The following PDE4D variants were observed in gnomAD, a reference collection of about 807,000 sequenced individuals.
The protein encoded by PDE4D is 3',5'-cyclic-AMP phosphodiesterase 4D.
PDE4D carries 24 observed loss-of-function variants against 87.4 expected under a neutral mutation model. That is an observed-to-expected ratio of 0.27 (90% confidence interval 0.20 to 0.39). The LOEUF is 0.39. Among genes scored for constraint, PDE4D ranks in the 10% least tolerant of loss-of-function variants. The probability of loss-of-function intolerance (pLI) is 1.00; values close to 1 mark genes in which losing one functional copy is unlikely to be tolerated. For missense variants in PDE4D, 714 were observed against 1,041.0 expected, an observed-to-expected ratio of 0.69 and a Z score of 4.32; for synonymous variants, 384 against 383.2, an observed-to-expected ratio of 1.00 and a Z score of -0.02.
At chr5:59,618,085 T>TA (rs924476537) in intron 1 of PDE4D, among the ~76,000 whole-genome samples, 6 of 152,014 alleles carry the variant, frequency 3.9e-5, no homozygotes, top group East Asian at 3.9e-4. Context: ...ATGTGTCATG[T>TA]AAAAAAAAGA....
chr5:59,988,375 C>A, intron 3 of PDE4D: 1 of 576,582 alleles, frequency 1.7e-6, no homozygotes, highest in Non-Finnish European at 3.0e-6. Flanking sequence ...ACTCTAGAAA[C>A]CCCATTGTTC....
At chr5:59,149,010 C>T (rs1293157290) in intron 5 of PDE4D, among the ~76,000 whole-genome samples, 1 of 152,072 alleles carries the variant, frequency 6.6e-6, no homozygotes, top group Non-Finnish European at 1.5e-5. Context: ...GATGCCAGAC[C>T]TGTTTGGTAG....
chr5:59,626,079 C>A (rs529320209), intron 1 of PDE4D, among the ~76,000 whole-genome samples: 1 of 152,272 alleles, frequency 6.6e-6, no homozygotes, highest in East Asian at 1.9e-4. Context: ...AAGAGTGAGA[C>A]TCCGTCTCAA....
intron 1 of PDE4D, among the ~76,000 whole-genome samples, chr5:59,374,311 C>G (rs1462401245): frequency 6.6e-6 from 1 of 151,796 alleles, no homozygotes. Flanking sequence ...CACATAGGCT[C>G]AAAATAAAGG....
At chr5:60,438,713 A>C (rs1744953836) in intron 1 of PDE4D, among the ~76,000 whole-genome samples, 1 of 152,076 alleles carries the variant, frequency 6.6e-6, no homozygotes, top group South Asian at 2.1e-4. Flanking sequence ...GTAGAGGTTG[A>C]AGAATGGTTA....
intron 1 of PDE4D, among the ~76,000 whole-genome samples, chr5:59,888,492 A>G (rs1185025740): frequency 6.6e-6 from 1 of 152,262 alleles, no homozygotes; most frequent in African/African-American, 2.4e-5. Flanking sequence ...AAAAATTAAA[A>G]AGTCTAATAC....
intron 1 of PDE4D, among the ~76,000 whole-genome samples, chr5:59,367,762 C>A (rs1783306133): frequency 6.6e-6 from 1 of 152,106 alleles, no homozygotes; most frequent in Non-Finnish European, 1.5e-5. Flanking sequence ...AAGAAGTCTG[C>A]CTTACAGAGC....
At chr5:59,401,173 G>C (rs1005655722) in intron 1 of PDE4D, among the ~76,000 whole-genome samples, 4 of 152,202 alleles carry the variant, frequency 2.6e-5, no homozygotes, top group African/African-American at 9.7e-5. Flanking sequence ...GGCTGGGCAT[G>C]GTAGCTCACA....
chr5:59,429,309 T>G (rs1795764277), intron 1 of PDE4D, among the ~76,000 whole-genome samples: 1 of 152,104 alleles, frequency 6.6e-6, no homozygotes, highest in Admixed American at 6.6e-5. Context: ...GGTCATAAAG[T>G]CAAATAGTGA....
At chr5:60,473,076 G>A (rs567415998) in intron 1 of PDE4D, among the ~76,000 whole-genome samples, 2 of 139,676 alleles carry the variant, frequency 1.4e-5, no homozygotes, top group East Asian at 4.0e-4. Context: ...GGGAGGGAGA[G>A]ACAGAGAGAG....
At chr5:59,866,341 A>T (rs1747036598) in intron 1 of PDE4D, among the ~76,000 whole-genome samples, 1 of 152,234 alleles carries the variant, frequency 6.6e-6, no homozygotes, top group African/African-American at 2.4e-5. Flanking sequence ...ATCACATTCT[A>T]GTAAAAGAAA....
intron 1 of PDE4D, among the ~76,000 whole-genome samples, chr5:60,256,236 C>T (rs1016449854): frequency 8.6e-5 from 13 of 151,834 alleles, no homozygotes; most frequent in African/African-American, 3.1e-4. Flanking sequence ...ATCACATAAT[C>T]CCCAAACTCA....
chr5:58,974,145 T>TTCAG lies in PDE4D; in HGVS notation c.*515_*518dup. ...CAGTGCAGCTCACTGAACCACACTA[T>TTCAG]TCAGTCATGTATCAGGAAGACTTGA... On this transcript the variant is annotated 3_prime_UTR_variant, in exon 15 of 15. Transcript: ENST00000340635. 6.5e-6 allele frequency: 1 copy of TTCAG among 152,914 alleles called. No individual in the cohort carries two copies. The highest frequency in any genetic ancestry group is 2.1e-4 in the South Asian group (1 of 4,830). The allele number at this position is 152,914 out of a possible 1,614,324, so 9.5% of individuals were successfully genotyped here. A position where few individuals can be genotyped will look rare whatever the true frequency, so the allele number is the denominator to read the frequency against.
chr5:59,526,793 T>C (rs115382869), intron 1 of PDE4D, among the ~76,000 whole-genome samples: 2,326 of 152,144 alleles, frequency 0.015, 71 homozygotes, highest in African/African-American at 0.054. Context: ...TTGGCTATTT[T>C]TTTTGTATTT....
intron 5 of PDE4D, among the ~76,000 whole-genome samples, chr5:59,138,997 T>C (rs1473841667): frequency 1.3e-5 from 2 of 152,134 alleles, no homozygotes; most frequent in African/African-American, 4.8e-5. Flanking sequence ...CTGCAGTTTC[T>C]ATAAAAGGTG....
intron 6 of PDE4D, among the ~76,000 whole-genome samples, chr5:59,011,134 A>G (rs188221406): frequency 1.3e-5 from 2 of 152,310 alleles, no homozygotes; most frequent in Admixed American, 1.3e-4. Context: ...CCAAAACCCC[A>G]TATGTACGTC....
At chr5:59,471,919 TA>T (rs1264201557) in intron 1 of PDE4D, among the ~76,000 whole-genome samples, 12 of 152,210 alleles carry the variant, frequency 7.9e-5, no homozygotes, top group African/African-American at 2.4e-4. Context: ...ATTTTTTATA[TA>T]AAAAAATTAA....
intron 1 of PDE4D, among the ~76,000 whole-genome samples, chr5:59,353,929 C>T (rs1398483402): frequency 2.0e-5 from 3 of 152,070 alleles, no homozygotes; most frequent in Non-Finnish European, 4.4e-5. Flanking sequence ...TCTCAAGAGT[C>T]AACACTCATT....
At chr5:60,246,046 A>G (rs1747734314) in intron 1 of PDE4D, among the ~76,000 whole-genome samples, 1 of 151,766 alleles carries the variant, frequency 6.6e-6, no homozygotes, top group Non-Finnish European at 1.5e-5. Context: ...AAAATATCTC[A>G]TGTACCCCAT....
Sources: allele counts gnomAD v4.1 joint callset (sites outside exome capture counted in the v4.1 genomes callset), GRCh38; gene constraint gnomAD v4.1.1; transcripts MANE v1.5; gene names NCBI Gene and HGNC (gene_info 2026-07-23, HGNC 2026-07-21).